IL12B: variants seen among roughly 807,000 people sequenced by gnomAD.
The protein encoded by IL12B is interleukin-12 subunit beta.
In IL12B, 27 loss-of-function variants were observed where a neutral mutation model predicts 39.2. That is an observed-to-expected ratio of 0.69 (90% CI 0.51 to 0.95). The LOEUF is 0.95. IL12B is among the 40% of genes least tolerant of loss of function. IL12B has a pLI of 0.00. For synonymous variants in IL12B, 142 were observed against 152.1 expected, an observed-to-expected ratio of 0.93 and a Z score of 0.49; for missense variants, 351 against 397.6, an observed-to-expected ratio of 0.88 and a Z score of 1.00.
Position 159,316,727 on chromosome 5 carries a change from A to G in IL12B, c.945T>C (p.Tyr315=). ...ATGCCCATTCGCTCCAAGATGAGCT[A>G]TAGTAGCGGTCCTGGGCCCGCACGC... The part of the protein sequence containing the change: ...SISVRAQDRY[Y]SSSWSEWASV... Residue 315 remains tyrosine, a synonymous_variant, in exon 7 of 8, where the codon TAT becomes TAC. Coordinates refer to ENST00000231228, the MANE Select transcript of IL12B (RefSeq NM_002187.3). 6.2e-7 allele frequency: 1 copy of G among 1,614,098 alleles called. No individual in the cohort carries two copies. The highest frequency in any genetic ancestry group is 1.3e-5 in the African/African-American group (1 of 75,058).
intron 6 of IL12B, among the ~76,000 whole-genome samples, chr5:159,317,159 A>T (rs3213110): frequency 0.017 from 2,641 of 152,326 alleles, 46 homozygotes; most frequent in African/African-American, 0.052. Context: ...TCCCTGAGAT[A>T]TTGAGAAATA....
rs867995975 is a variant in IL12B, at chr5:159,320,509, G to A, written c.494C>T (p.Pro165Leu). The A allele has an allele frequency of 6.2e-7, 1 of 1,614,000 alleles. No individual in the cohort carries two copies. Among genetic ancestry groups the A allele is most frequent in the Non-Finnish European group, 8.5e-7 (1 of 1,179,902 alleles). Residue 165 changes from proline to leucine, a missense_variant, in exon 5 of 8, where the codon CCC becomes CTC. Physicochemically the swap from Pro to Leu is moderately conservative, Grantham distance 98. Coordinates refer to ENST00000231228, the MANE Select transcript of IL12B (RefSeq NM_002187.3). The stretch of plus-strand genomic sequence containing the variant: ...AGCAGCTCCGCACGTCACCCCTTGG[G>A]GGTCAGAAGAGCTGAAGTCAAAGAC... ...SVKSSRGSSD[P>L]QGVTCGAATL...
chr5:159,326,432 CAT>C (rs1207246274), intron 2 of IL12B, among the ~76,000 whole-genome samples: 1 of 152,160 alleles, frequency 6.6e-6, no homozygotes, highest in African/African-American at 2.4e-5. Context: ...TATCATATGT[CAT>C]ATGTCTTTCC....
chr5:159,319,715 G>C (rs568959796), intron 5 of IL12B, among the ~76,000 whole-genome samples: 1 of 152,180 alleles, frequency 6.6e-6, no homozygotes, highest in Non-Finnish European at 1.5e-5. Flanking sequence ...ATGTGAACTA[G>C]ACCCCACCCA....
At position 159,323,222 on chromosome 5, in the gene IL12B, T is replaced by G. The variant is rs1241195275; in HGVS notation, c.196A>C (p.Ser66Arg). ...GTTTTGCCAGAGCCTAAGACCTCACTGCTCTGGTCCAAGGTCCAGGTGATA... is the reference window on the plus strand; with the variant it reads ...GTTTTGCCAGAGCCTAAGACCTCACGGCTCTGGTCCAAGGTCCAGGTGATA... ...DGITWTLDQS[S>R]EVLGSGKTLT... is the part of the protein sequence containing the mutation. The change falls in exon 3 of 8, where the codon AGT (serine) becomes CGT (arginine). Residue 66 changes from serine (S) to arginine (R), a missense_variant. Transcript: ENST00000231228. The G allele has an allele frequency of 6.2e-7, 1 of 1,614,000 alleles. No individual in the cohort carries two copies. Among genetic ancestry groups the G allele is most frequent in the African/African-American group, 1.3e-5 (1 of 74,912 alleles).
At position 159,323,116 on chromosome 5, in the gene IL12B, A is replaced by G; in HGVS notation, c.302T>C (p.Leu101Pro). 3.7e-6 allele frequency: 6 copies of G among 1,614,176 alleles called. No homozygotes were observed. The highest frequency in any genetic ancestry group is 5.1e-6 in the Non-Finnish European group (6 of 1,180,028). Residue 101 changes from leucine to proline, a missense_variant, in exon 3 of 8, where the codon CTC becomes CCC. Leu to Pro is a moderately conservative substitution (Grantham distance 98). Coordinates refer to ENST00000231228, the MANE Select transcript of IL12B (RefSeq NM_002187.3). The part of the protein sequence containing the change: ...HKGGEVLSHS[L>P]LLLHKKEDGI... ...ATCTTCCTTTTTGTGAAGCAGCAGG[A>G]GCGAATGGCTTAGAACCTCGCCTCC...
At chr5:159,322,869 T>C (rs1393409906) in intron 3 of IL12B, among the ~76,000 whole-genome samples, 185 bp downstream of exon 3, 5 of 152,178 alleles carry the variant, frequency 3.3e-5, no homozygotes, top group Admixed American at 6.5e-5. Flanking sequence ...ATTTTGATGG[T>C]TGATAACCCA....
intron 4 of IL12B, among the ~76,000 whole-genome samples, chr5:159,321,015 TAA>T (rs1754079485): frequency 6.6e-6 from 1 of 151,186 alleles, no homozygotes; most frequent in Non-Finnish European, 1.5e-5. Flanking sequence ...TTTTTTTTTT[TAA>T]GAGACAGGGT....
Position 159,322,445 on chromosome 5 carries a change from C to T in IL12B, c.431G>A (p.Trp144Ter). The T allele has an allele frequency of 6.2e-7, 1 of 1,613,920 alleles. No individual in the cohort carries two copies. The change falls in exon 4 of 8, where the codon TGG becomes TAG. Residue 144 changes from tryptophan to a stop codon, truncating the protein, a stop_gained. Transcript: ENST00000231228. LOFTEE classifies it high-confidence loss of function. Reference sequence around the variant, plus strand: ...CAAATCAGTACTGATTGTCGTCAGCCACCAGCAGGTGAAACGTCCAGAATA... The same window carrying T: ...CAAATCAGTACTGATTGTCGTCAGCTACCAGCAGGTGAAACGTCCAGAATA... ...KNYSGRFTCW[W>*]LTTISTDLTF...
Position 159,320,445 on chromosome 5 carries a change from C to T in IL12B, c.558G>A (p.Glu186=). The T allele has an allele frequency of 6.2e-7, 1 of 1,614,186 alleles. No individual in the cohort carries two copies. The highest frequency in any genetic ancestry group is 8.5e-7 in the Non-Finnish European group (1 of 1,180,004). The part of the protein sequence containing the change: ...SAERVRGDNK[E]YEYSVECQED... ...CCTGGCACTCCACTGAGTACTCATA[C>T]TCCTTGTTGTCCCCTCTGACTCTCT... Residue 186 remains glutamate, a synonymous_variant, in exon 5 of 8, where the codon GAG becomes GAA. Transcript: ENST00000231228.
At chr5:159,327,947 C>T (rs1754219458) in intron 1 of IL12B, among the ~76,000 whole-genome samples, 1 of 152,188 alleles carries the variant, frequency 6.6e-6, no homozygotes, top group Non-Finnish European at 1.5e-5. Context: ...TCTGAAACAA[C>T]TCCATTCACC....
chr5:159,324,297 A>C (rs1754152641), intron 2 of IL12B, among the ~76,000 whole-genome samples: 1 of 152,184 alleles, frequency 6.6e-6, no homozygotes, highest in Admixed American at 6.5e-5. Context: ...CTAGTGTCTA[A>C]ACTGGCCTTT....
intron 1 of IL12B, among the ~76,000 whole-genome samples, chr5:159,328,589 C>T (rs1424639199): frequency 1.3e-5 from 2 of 152,176 alleles, no homozygotes; most frequent in African/African-American, 2.4e-5. Flanking sequence ...CATGGATAGT[C>T]AAGAAAGTCA....
chr5:159,329,551 G>A (rs1312095762), intron 1 of IL12B, among the ~76,000 whole-genome samples: 1 of 152,144 alleles, frequency 6.6e-6, no homozygotes, highest in Admixed American at 6.6e-5. Flanking sequence ...TTATGCCATG[G>A]ATCATGTCTA....
chr5:159,317,314 T>C lies in IL12B; in HGVS notation c.856-498A>G, dbSNP rs528074516. Reference sequence around the variant, plus strand: ...AGGGATAACAATAATGCCTACTTCATAGAATTATAGTTCAAGGTAAAAATC... The same window carrying C: ...AGGGATAACAATAATGCCTACTTCACAGAATTATAGTTCAAGGTAAAAATC... On this transcript the variant is annotated intron_variant, in intron 6 of 7. Coordinates refer to ENST00000231228, the MANE Select transcript of IL12B (RefSeq NM_002187.3). Among the ~76,000 whole-genome samples, 64 of 152,328 alleles carry C rather than the reference T, an allele frequency of 4.2e-4. No homozygotes were observed. In the South Asian group the frequency reaches 0.011, roughly 27 times the overall value.
intron 5 of IL12B, 41 bp from the exon 6 acceptor site, chr5:159,318,934 CT>C: frequency 1.3e-6 from 2 of 1,575,780 alleles, no homozygotes; most frequent in Non-Finnish European, 1.7e-6. Context: ...CCTAATAAGG[CT>C]TTGGAGTTCA....
In IL12B at chr5:159,323,340, C is replaced by A; in HGVS notation, c.89-11G>T. ...ATTCTACGACATAAACTGGAATGCA[C>A]ATAAAGTGGAGAACCAGGCTGTAAG... On this transcript the variant is annotated splice_polypyrimidine_tract_variant and intron_variant, in intron 2 of 7. Transcript: ENST00000231228. 1 of 1,613,242 alleles carries A rather than the reference C, an allele frequency of 6.2e-7. No homozygotes were observed. Among genetic ancestry groups the A allele is most frequent in the South Asian group, 1.1e-5 (1 of 91,062 alleles).
At chr5:159,329,184 TTTTG>T (rs1754238550) in intron 1 of IL12B, among the ~76,000 whole-genome samples, 2 of 152,212 alleles carry the variant, frequency 1.3e-5, no homozygotes, top group Non-Finnish European at 2.9e-5. Flanking sequence ...CTTTTTTAAG[TTTTG>T]TTTGTTACCT....
chr5:159,321,806 AAAGT>A lies in IL12B; in HGVS notation c.482+584_482+587del, dbSNP rs370404551. On this transcript the variant is annotated intron_variant, in intron 4 of 7. Transcript: ENST00000231228. ...CCTGGGGTTTGCTTCGGTGATGATT[AAAGT>A]AAGCCACATGGGGGTTAACACATAG... Among the ~76,000 whole-genome samples the A allele has an allele frequency of 8.1e-4, 124 of 152,334 alleles. No individual in the cohort carries two copies. The South Asian group carries it at 0.025, about 30-fold the overall frequency.
Sources: allele counts gnomAD v4.1 joint callset (sites outside exome capture counted in the v4.1 genomes callset), GRCh38; gene constraint gnomAD v4.1.1; transcripts MANE v1.5; gene names NCBI Gene and HGNC (gene_info 2026-07-23, HGNC 2026-07-21).